Variants in ZFAT observed in about 807,000 individuals in gnomAD.
The protein encoded by ZFAT is zinc finger protein ZFAT.
Under a neutral mutation model 117.7 loss-of-function variants are expected in ZFAT, and 64 were observed. That is an observed-to-expected ratio of 0.54 (90% CI 0.44 to 0.67). The LOEUF is 0.67. Ranked by LOEUF, ZFAT falls within the 30% of genes least tolerant of loss-of-function variation. The pLI, the probability that ZFAT is intolerant of heterozygous loss-of-function variation, is 0.00. For synonymous variants in ZFAT, 679 were observed against 615.0 expected, an observed-to-expected ratio of 1.10 and a Z score of -1.54; for missense variants, 1,433 against 1,584.5, an observed-to-expected ratio of 0.90 and a Z score of 1.62.
the ZFAT span, among the ~76,000 whole-genome samples, chr8:134,755,446 GT>G: frequency 6.6e-6 from 1 of 151,268 alleles, no homozygotes; most frequent in East Asian, 1.9e-4. Context: ...GGTGTAAGTG[GT>G]TTTTGGTTAC....
intron 1 of ZFAT, among the ~76,000 whole-genome samples, chr8:134,662,883 C>T (rs938023003): frequency 6.6e-6 from 1 of 152,246 alleles, no homozygotes; most frequent in African/African-American, 2.4e-5. Flanking sequence ...CTGGGTCATC[C>T]GCCCACAGAG....
chr8:134,684,184 G>A (rs539435457), intron 1 of ZFAT, among the ~76,000 whole-genome samples: 1 of 152,160 alleles, frequency 6.6e-6, no homozygotes, highest in East Asian at 1.9e-4. Context: ...AGCACCTTCT[G>A]CCCATCCACC....
At chr8:134,757,563 T>A in the ZFAT span, among the ~76,000 whole-genome samples, 3 of 152,150 alleles carry the variant, frequency 2.0e-5, no homozygotes, top group Non-Finnish European at 4.4e-5. Context: ...TGGCAGTGAA[T>A]TGGGATGGGA....
At chr8:134,706,298 A>G (rs1834150840) in intron 1 of ZFAT, among the ~76,000 whole-genome samples, 1 of 152,198 alleles carries the variant, frequency 6.6e-6, no homozygotes, top group African/African-American at 2.4e-5. Context: ...GAAACAAACT[A>G]CTGAATCTCA....
the ZFAT span, among the ~76,000 whole-genome samples, chr8:134,829,773 C>T: frequency 2.0e-5 from 3 of 152,288 alleles, no homozygotes; most frequent in South Asian, 6.2e-4. Flanking sequence ...CACATTACTG[C>T]CCTTCTTTCT....
the ZFAT span, among the ~76,000 whole-genome samples, chr8:134,801,643 C>T: frequency 5.3e-5 from 8 of 152,094 alleles, no homozygotes; most frequent in Admixed American, 5.2e-4. Flanking sequence ...CTATTACAAC[C>T]GTATTTTTTT....
At chr8:134,790,709 CTTCT>C in the ZFAT span, among the ~76,000 whole-genome samples, 614 of 152,194 alleles carry the variant, frequency 4.0e-3, 4 homozygotes, top group African/African-American at 0.014. Flanking sequence ...TAGCTTATTC[CTTCT>C]GTTTTAAAAT....
At chr8:134,820,977 A>C in the ZFAT span, among the ~76,000 whole-genome samples, 1 of 152,204 alleles carries the variant, frequency 6.6e-6, no homozygotes, top group African/African-American at 2.4e-5. Context: ...TGAATGAATA[A>C]TGATGAGATG....
chr8:134,640,134 C>T (rs148154013), intron 2 of ZFAT, among the ~76,000 whole-genome samples: 61 of 152,330 alleles, frequency 4.0e-4, no homozygotes, highest in African/African-American at 1.4e-3. Context: ...CTTTAACTGG[C>T]TCTCTGATTT....
chr8:134,631,486 T>C (rs1829885344), intron 3 of ZFAT, among the ~76,000 whole-genome samples: 1 of 152,230 alleles, frequency 6.6e-6, no homozygotes, highest in South Asian at 2.1e-4. Context: ...TCATCATCGC[T>C]TCTGCATCTC....
At chr8:134,528,967 G>A (rs1321574545) in intron 12 of ZFAT, among the ~76,000 whole-genome samples, 4 of 152,178 alleles carry the variant, frequency 2.6e-5, no homozygotes. Flanking sequence ...TAGTGGATTT[G>A]AGCCATTCAT....
chr8:134,764,041 A>T, the ZFAT span, among the ~76,000 whole-genome samples: 1 of 152,258 alleles, frequency 6.6e-6, no homozygotes, highest in African/African-American at 2.4e-5. Context: ...TAAAATCCCC[A>T]AGGCCCTTGC....
At chr8:134,587,316 C>A (rs1198509411) in intron 9 of ZFAT, among the ~76,000 whole-genome samples, 1 of 152,166 alleles carries the variant, frequency 6.6e-6, no homozygotes, top group African/African-American at 2.4e-5. Flanking sequence ...TAGCTTCCAA[C>A]CTTGGAATTT....
intron 1 of ZFAT, among the ~76,000 whole-genome samples, chr8:134,701,657 T>C (rs1834010522): frequency 6.6e-6 from 1 of 152,240 alleles, no homozygotes; most frequent in African/African-American, 2.4e-5. Context: ...ATTTCTCCCA[T>C]CCTCAAAGTA....
At chr8:134,509,143 T>TC (rs1226399210) in intron 15 of ZFAT, among the ~76,000 whole-genome samples, 2 of 152,170 alleles carry the variant, frequency 1.3e-5, no homozygotes, top group African/African-American at 4.8e-5. Flanking sequence ...CCAAAACTGA[T>TC]CATCTCTTCC....
At position 134,485,526 on chromosome 8, in the gene ZFAT, G is replaced by T. The variant is rs189208609; in HGVS notation, c.3493-6805C>A. On this transcript the variant is annotated intron_variant, in intron 15 of 15. Coordinates refer to ENST00000377838, the MANE Select transcript of ZFAT (RefSeq NM_020863.4). Reference sequence around the variant, plus strand: ...GACAACCCCTCCTCATCTGACACACGTTTTCTGGAATCCTTGACACTGATG... The same window carrying T: ...GACAACCCCTCCTCATCTGACACACTTTTTCTGGAATCCTTGACACTGATG... 4.7e-4 allele frequency among the ~76,000 whole-genome samples: 71 copies of T among 152,208 alleles called. 3 individuals carry two copies. Among genetic ancestry groups the T allele is most frequent in the Non-Finnish European group, 2.5e-4 (17 of 68,032 alleles).
chr8:134,477,804 T>C lies in ZFAT; in HGVS notation c.*678A>G, dbSNP rs1428379971. 1 of 152,198 alleles carries C rather than the reference T, an allele frequency of 6.6e-6. No homozygotes were observed. Among genetic ancestry groups the C allele is most frequent in the East Asian group, 1.9e-4 (1 of 5,200 alleles). 9.4% of individuals were successfully genotyped at this position (152,198 alleles called of 1,614,324 possible). A position where few individuals can be genotyped will look rare whatever the true frequency, so the allele number is the denominator to read the frequency against. The stretch of plus-strand genomic sequence containing the variant: ...ACCAAAGCATTCAGACAGGAACTGT[T>C]TTTATTCCAACCACCTCACCTCCTT... On this transcript the variant is annotated 3_prime_UTR_variant, in exon 16 of 16. Transcript: ENST00000377838.
the ZFAT span, among the ~76,000 whole-genome samples, chr8:134,805,539 C>A: frequency 6.6e-5 from 10 of 152,248 alleles, no homozygotes; most frequent in Non-Finnish European, 1.0e-4. Flanking sequence ...AAAAGAAACT[C>A]ATGATCTTAA....
the ZFAT span, among the ~76,000 whole-genome samples, chr8:134,804,197 C>T: frequency 1.3e-5 from 2 of 152,108 alleles, no homozygotes; most frequent in African/African-American, 4.8e-5. Context: ...GCTTTCAGGG[C>T]AGCTATATTT....
Sources: allele counts gnomAD v4.1 joint callset (sites outside exome capture counted in the v4.1 genomes callset), GRCh38; gene constraint gnomAD v4.1.1; transcripts MANE v1.5; gene names NCBI Gene and HGNC (gene_info 2026-07-23, HGNC 2026-07-21).